SH3RF3: variants seen among roughly 807,000 people sequenced by gnomAD.
SH3RF3 encodes E3 ubiquitin-protein ligase SH3RF3.
In SH3RF3, 29 loss-of-function variants were observed where a neutral mutation model predicts 66.3. The observed-to-expected ratio is 0.44, with a 90% CI of 0.33 to 0.60. SH3RF3 has a LOEUF of 0.60. Among genes scored for constraint, SH3RF3 ranks in the 20% least tolerant of loss-of-function variants. The probability of loss-of-function intolerance (pLI) is 0.04; values close to 1 mark genes in which losing one functional copy is unlikely to be tolerated. For missense variants in SH3RF3, 1,194 were observed against 1,190.9 expected (o/e 1.00, Z -0.04); for synonymous variants, 583 against 532.0 (o/e 1.10, Z -1.32).
At chr2:109,432,977 G>A (rs1342213720) in intron 6 of SH3RF3, among the ~76,000 whole-genome samples, 1 of 152,264 alleles carries the variant, frequency 6.6e-6, no homozygotes, top group Non-Finnish European at 1.5e-5. Context: ...GTGTTTGTGT[G>A]AGGACAGTGT....
chr2:109,139,236 A>G (rs1231107050), intron 1 of SH3RF3, among the ~76,000 whole-genome samples: 2 of 152,204 alleles, frequency 1.3e-5, no homozygotes, highest in African/African-American at 4.8e-5. Flanking sequence ...TGCATGAGAA[A>G]ATGCGTGCAG....
At chr2:109,353,902 C>G (rs796222243) in intron 2 of SH3RF3, among the ~76,000 whole-genome samples, 1 of 152,152 alleles carries the variant, frequency 6.6e-6, no homozygotes, top group African/African-American at 2.4e-5. Context: ...CTGAGGGGCC[C>G]CTGCCTCCCT....
intron 5 of SH3RF3, among the ~76,000 whole-genome samples, chr2:109,421,612 G>A (rs1002593915): frequency 6.6e-6 from 1 of 152,192 alleles, no homozygotes; most frequent in African/African-American, 2.4e-5. Flanking sequence ...CTGGGGGACA[G>A]GGTTGCTGTG....
intron 1 of SH3RF3, among the ~76,000 whole-genome samples, chr2:109,186,665 C>T (rs375698422): frequency 1.1e-4 from 16 of 152,240 alleles, no homozygotes; most frequent in African/African-American, 1.9e-4. Flanking sequence ...GAAGACCCTG[C>T]GGGAAATGCA....
At chr2:109,404,889 G>A (rs1676414727) in intron 4 of SH3RF3, among the ~76,000 whole-genome samples, 1 of 152,120 alleles carries the variant, frequency 6.6e-6, no homozygotes, top group South Asian at 2.1e-4. Context: ...ACTTGACGCT[G>A]TGGACAGCAC....
intron 1 of SH3RF3, among the ~76,000 whole-genome samples, chr2:109,268,270 C>T (rs528545096): frequency 1.2e-3 from 175 of 151,882 alleles, no homozygotes; most frequent in African/African-American, 3.5e-3. Context: ...AAGTGAGGTG[C>T]GGCCCCTTCT....
At chr2:109,198,115 T>C (rs1678550691) in intron 1 of SH3RF3, among the ~76,000 whole-genome samples, 1 of 152,076 alleles carries the variant, frequency 6.6e-6, no homozygotes, top group South Asian at 2.1e-4. Context: ...ACATTTGAAG[T>C]CTCTCAGTAC....
At chr2:109,449,651 CA>C (rs1677810455) in intron 8 of SH3RF3, among the ~76,000 whole-genome samples, 162 bp downstream of exon 8, 1 of 152,214 alleles carries the variant, frequency 6.6e-6, no homozygotes. Flanking sequence ...GGAGCCAAAC[CA>C]CCAGAGCAGC....
chr2:109,324,074 G>T (rs1031801136), intron 1 of SH3RF3, among the ~76,000 whole-genome samples: 3 of 152,148 alleles, frequency 2.0e-5, no homozygotes, highest in Non-Finnish European at 4.4e-5. Context: ...GTGGCCTTTT[G>T]TGTCTTACTT....
At chr2:109,261,435 A>G (rs1257155146) in intron 1 of SH3RF3, among the ~76,000 whole-genome samples, 1 of 152,238 alleles carries the variant, frequency 6.6e-6, no homozygotes, top group South Asian at 2.1e-4. Context: ...GGAGCTGGAC[A>G]GGCAGAGGTC....
At chr2:109,231,896 G>T (rs1426261318) in intron 1 of SH3RF3, among the ~76,000 whole-genome samples, 2 of 152,108 alleles carry the variant, frequency 1.3e-5, no homozygotes, top group African/African-American at 4.8e-5. Flanking sequence ...CATGTAATTT[G>T]CCCTTTTAAA....
intron 1 of SH3RF3, among the ~76,000 whole-genome samples, chr2:109,192,521 AGAG>A (rs1450012425): frequency 3.9e-5 from 6 of 152,320 alleles, no homozygotes; most frequent in Middle Eastern, 6.8e-3. Flanking sequence ...CCTTTCTTAT[AGAG>A]ATTTGGTAAT....
intron 1 of SH3RF3, among the ~76,000 whole-genome samples, chr2:109,138,435 G>A (rs1197601129): frequency 1.3e-5 from 2 of 152,380 alleles, no homozygotes; most frequent in Middle Eastern, 3.4e-3. Context: ...AGAAAGGACA[G>A]TTGCTGTTGT....
rs192909822 is a variant in SH3RF3, at chr2:109,357,461, G to A, written c.849+9512G>A. On this transcript the variant is annotated intron_variant, in intron 2 of 9. Coordinates refer to ENST00000309415, the MANE Select transcript of SH3RF3 (RefSeq NM_001099289.3). ...CTCCCAAAGTGCTGGGATTACAGGC[G>A]TGAGCCACCGCACCCGGCCAACAGA... 1.2e-3 allele frequency among the ~76,000 whole-genome samples: 184 copies of A among 152,310 alleles called. 1 individual carries two copies. The highest frequency in any genetic ancestry group is 3.6e-3 in the African/African-American group (150 of 41,564).
chr2:109,454,190 AATACT>A (rs1677970360), intron 8 of SH3RF3, among the ~76,000 whole-genome samples: 1 of 152,218 alleles, frequency 6.6e-6, no homozygotes, highest in East Asian at 1.9e-4. Flanking sequence ...AATAGGAGGA[AATACT>A]TACAACAATT....
At chr2:109,147,755 A>T (rs964303116) in intron 1 of SH3RF3, among the ~76,000 whole-genome samples, 1 of 152,230 alleles carries the variant, frequency 6.6e-6, no homozygotes, top group African/African-American at 2.4e-5. Flanking sequence ...ATATTTACGA[A>T]GTTAACAAGC....
intron 7 of SH3RF3, among the ~76,000 whole-genome samples, chr2:109,440,668 A>C (rs998208795): frequency 2.6e-5 from 4 of 152,192 alleles, no homozygotes; most frequent in Admixed American, 2.6e-4. Context: ...AGGCAGTGGC[A>C]AAAGGAGGCA....
intron 1 of SH3RF3, among the ~76,000 whole-genome samples, chr2:109,277,182 G>A (rs1680776870): frequency 6.6e-6 from 1 of 152,180 alleles, no homozygotes; most frequent in Non-Finnish European, 1.5e-5. Flanking sequence ...GTTAGAAACA[G>A]TTCCCAGAAT....
intron 1 of SH3RF3, among the ~76,000 whole-genome samples, chr2:109,187,950 C>T (rs1252785955): frequency 3.3e-5 from 5 of 152,132 alleles, no homozygotes; most frequent in Non-Finnish European, 5.9e-5. Flanking sequence ...CAGAGCAGCC[C>T]GTCTTTGGAG....
Sources: allele counts gnomAD v4.1 joint callset (sites outside exome capture counted in the v4.1 genomes callset), GRCh38; gene constraint gnomAD v4.1.1; transcripts MANE v1.5; gene names NCBI Gene and HGNC (gene_info 2026-07-23, HGNC 2026-07-21).